LEPR: variants seen among roughly 807,000 people sequenced by gnomAD.
The protein encoded by LEPR is leptin receptor.
Under a neutral mutation model 114.7 loss-of-function variants are expected in LEPR, and 56 were observed. That is an observed-to-expected ratio of 0.49 (90% confidence interval 0.39 to 0.61). The LOEUF is 0.61. Among genes scored for constraint, LEPR ranks in the 20% least tolerant of loss-of-function variants. The pLI is 0.00. For synonymous variants in LEPR, 443 were observed against 461.4 expected (o/e 0.96, Z 0.51); for missense variants, 1,202 against 1,352.9 (o/e 0.89, Z 1.75).
chr1:65,456,238 G>C (rs1012326483), intron 2 of LEPR, among the ~76,000 whole-genome samples: 2 of 151,966 alleles, frequency 1.3e-5, no homozygotes, highest in African/African-American at 4.8e-5. Flanking sequence ...GAAATCACCC[G>C]TCTTCTGCGT....
At chr1:65,591,350 C>A (rs954016549) in intron 5 of LEPR, among the ~76,000 whole-genome samples, 2 of 152,044 alleles carry the variant, frequency 1.3e-5, no homozygotes, top group African/African-American at 4.8e-5. Flanking sequence ...ATGCGTTGTT[C>A]ACGTTTTTAT....
At chr1:65,525,972 AG>A in intron 2 of LEPR, 1 of 752,076 alleles carries the variant, frequency 1.3e-6, no homozygotes, top group Non-Finnish European at 1.6e-6. Context: ...GGACCACCAG[AG>A]GGGCCAGCGC....
chr1:65,429,484 C>T (rs998882160), intron 2 of LEPR, among the ~76,000 whole-genome samples: 3 of 152,180 alleles, frequency 2.0e-5, no homozygotes, highest in Admixed American at 6.5e-5. Flanking sequence ...TTCAAGCATG[C>T]GTGCACTCAA....
intron 14 of LEPR, among the ~76,000 whole-genome samples, chr1:65,610,521 G>A (rs570496065): frequency 3.3e-5 from 5 of 152,266 alleles, no homozygotes; most frequent in African/African-American, 9.6e-5. Flanking sequence ...TTATAGTTAC[G>A]TCAGTACTAT....
intron 2 of LEPR, among the ~76,000 whole-genome samples, chr1:65,542,306 C>T (rs1290173651): frequency 5.3e-5 from 8 of 150,828 alleles, no homozygotes; most frequent in Non-Finnish European, 1.2e-4. Context: ...GGCTGTTTTT[C>T]TTTTTAAACG....
At chr1:65,499,715 C>T (rs921364011) in intron 2 of LEPR, among the ~76,000 whole-genome samples, 7 of 152,254 alleles carry the variant, frequency 4.6e-5, no homozygotes, top group Admixed American at 2.0e-4. Context: ...ATCAAATCTG[C>T]AGACATCTTC....
intron 5 of LEPR, chr1:65,577,955 C>T (rs972638136): frequency 1.3e-5 from 2 of 151,212 alleles, no homozygotes; most frequent in Admixed American, 1.3e-4. Context: ...GCTATCCCTC[C>T]TCTAGCCTCC....
intron 2 of LEPR, among the ~76,000 whole-genome samples, chr1:65,472,766 G>A (rs1368921681): frequency 2.6e-5 from 4 of 151,914 alleles, no homozygotes; most frequent in African/African-American, 9.7e-5. Flanking sequence ...TACCTTGTCC[G>A]GCTTCTGGAA....
rs145071789 is a variant in LEPR at position 65,428,554 on chromosome 1, G to A, written c.-21+3176G>A. Among the ~76,000 whole-genome samples the A allele has an allele frequency of 6.8e-4, 104 of 152,220 alleles. No homozygotes were observed. The Middle Eastern group carries it at 0.01, about 15-fold the overall frequency. On this transcript the variant is annotated intron_variant, in intron 2 of 19. Coordinates refer to ENST00000349533, the MANE Select transcript of LEPR (RefSeq NM_002303.6). The stretch of plus-strand genomic sequence containing the variant: ...GTTTCCATCCTGAGTCCTCTTGAAG[G>A]ACACATTCCCTTCTTGCCTTTTGGT...
At chr1:65,453,458 C>A (rs1398146640) in intron 2 of LEPR, among the ~76,000 whole-genome samples, 2 of 151,776 alleles carry the variant, frequency 1.3e-5, no homozygotes, top group Non-Finnish European at 2.9e-5. Flanking sequence ...TGAATGCATC[C>A]CAGAGATTCT....
intron 4 of LEPR, 24 bp from the exon 5 acceptor site, chr1:65,572,290 GTTTTTTTTTTTT>G (rs747467075): frequency 2.4e-4 from 194 of 799,870 alleles, no homozygotes; most frequent in African/African-American, 1.1e-3. Context: ...TCATGTAGTT[GTTTTTTTTTTTT>G]TTTTTTTTTT....
In LEPR at chr1:65,637,951, A is replaced by T; in HGVS notation, c.*936A>T. 6.6e-6 allele frequency: 1 copy of T among 152,212 alleles called. No homozygotes were observed. The highest frequency in any genetic ancestry group is 1.9e-4 in the East Asian group (1 of 5,198). 9.4% of individuals were successfully genotyped at this position (152,212 alleles called of 1,614,324 possible). Reference sequence around the variant, plus strand: ...ACAGTTACAGTCAGTGGGTGATGGAATCAGAGTTCAGATTTAAATCCAGAT... The same window carrying T: ...ACAGTTACAGTCAGTGGGTGATGGATTCAGAGTTCAGATTTAAATCCAGAT... On this transcript the variant is annotated 3_prime_UTR_variant, in exon 20 of 20. Coordinates refer to ENST00000349533, the MANE Select transcript of LEPR (RefSeq NM_002303.6).
chr1:65,545,820 C>T (rs920927476), intron 2 of LEPR, among the ~76,000 whole-genome samples: 6 of 151,614 alleles, frequency 4.0e-5, no homozygotes, highest in Non-Finnish European at 8.8e-5. Flanking sequence ...AATGAGATCT[C>T]ATTTGTCAAT....
intron 2 of LEPR, among the ~76,000 whole-genome samples, chr1:65,500,980 A>G (rs1266588600): frequency 6.6e-6 from 1 of 152,128 alleles, no homozygotes; most frequent in African/African-American, 2.4e-5. Context: ...ATAAAGTTCT[A>G]TACATTCGTA....
intron 2 of LEPR, among the ~76,000 whole-genome samples, chr1:65,520,306 T>C (rs1649565822): frequency 6.6e-6 from 1 of 152,168 alleles, no homozygotes; most frequent in Non-Finnish European, 1.5e-5. Context: ...TTAACCGGTT[T>C]GCCCAGAGAA....
intron 6 of LEPR, among the ~76,000 whole-genome samples, chr1:65,594,242 G>A (rs910217427): frequency 1.3e-5 from 2 of 151,986 alleles, no homozygotes; most frequent in East Asian, 1.9e-4. Context: ...CAAGCAGGAA[G>A]AACAATATTC....
chr1:65,591,421 A>G (rs916075971), intron 5 of LEPR, among the ~76,000 whole-genome samples: 16 of 152,134 alleles, frequency 1.1e-4, no homozygotes, highest in African/African-American at 3.6e-4. Flanking sequence ...CAATGATGAA[A>G]TGAAATTAAT....
At chr1:65,618,616 C>T (rs1387764316) in intron 16 of LEPR, among the ~76,000 whole-genome samples, 1 of 152,136 alleles carries the variant, frequency 6.6e-6, no homozygotes, top group Non-Finnish European at 1.5e-5. Context: ...CAGGCATGGG[C>T]CACCACACCC....
intron 5 of LEPR, among the ~76,000 whole-genome samples, chr1:65,573,323 C>A (rs1205517832): frequency 6.6e-6 from 1 of 152,058 alleles, no homozygotes; most frequent in African/African-American, 2.4e-5. Context: ...TATAGGTGGG[C>A]ATGTAGTCTG....
Sources: gnomAD v4.1 joint callset for allele counts (sites outside exome capture counted in the v4.1 genomes callset) on GRCh38, gnomAD v4.1.1 for gene constraint, MANE v1.5 for transcripts, NCBI Gene and HGNC (gene_info 2026-07-23, HGNC 2026-07-21) for gene names.